DDX21: variants seen among roughly 807,000 people sequenced by gnomAD.
The protein encoded by DDX21 is DExD-box helicase 21, also known as nucleolar RNA helicase 2.
A neutral mutation model predicts 90.0 loss-of-function variants in DDX21; 18 were observed. The observed-to-expected ratio is 0.20, with a 90% CI of 0.14 to 0.30. DDX21 has a LOEUF of 0.30. Among genes scored for constraint, DDX21 ranks in the 10% least tolerant of loss-of-function variants. The pLI is 1.00. For synonymous variants in DDX21, 294 were observed against 318.0 expected (o/e 0.92, Z 0.80); for missense variants, 673 against 944.5 (o/e 0.71, Z 3.77).
chr10:68,971,378 C>G (rs1021151719), intron 8 of DDX21, among the ~76,000 whole-genome samples: 1 of 152,026 alleles, frequency 6.6e-6, no homozygotes, highest in Admixed American at 6.6e-5. Context: ...AGCTATTCTC[C>G]TACCCACCCC....
chr10:68,983,003 T>G lies in DDX21; in HGVS notation c.*191T>G. 1.4e-6 allele frequency: 1 copy of G among 703,108 alleles called. No individual in the cohort carries two copies. The highest frequency in any genetic ancestry group is 2.2e-6 in the Non-Finnish European group (1 of 457,756). 43.6% of individuals were successfully genotyped at this position (703,108 alleles called of 1,614,324 possible). A position where few individuals can be genotyped will look rare whatever the true frequency, so the allele number is the denominator to read the frequency against. ...TGATCATTATCATTTATAACTTTATTGTTACTTCTTCATCAGTTTTTCCTT... is the reference window on the plus strand; with the variant it reads ...TGATCATTATCATTTATAACTTTATGGTTACTTCTTCATCAGTTTTTCCTT... On this transcript the variant is annotated 3_prime_UTR_variant, in exon 15 of 15. Transcript: ENST00000354185.
intron 5 of DDX21, among the ~76,000 whole-genome samples, chr10:68,966,459 G>A (rs1189459438): frequency 4.0e-5 from 6 of 150,938 alleles, no homozygotes. Flanking sequence ...TATTTATTTG[G>A]TGAGACAGAG....
Position 68,983,137 on chromosome 10 carries a change from A to G in DDX21, c.*325A>G, listed in dbSNP as rs1843219610. The G allele has an allele frequency of 9.5e-6, 3 of 314,536 alleles. No individual in the cohort carries two copies. Among genetic ancestry groups the G allele is most frequent in the South Asian group, 7.3e-5 (2 of 27,386 alleles). 19.5% of individuals were successfully genotyped at this position (314,536 alleles called of 1,614,324 possible). On this transcript the variant is annotated 3_prime_UTR_variant, in exon 15 of 15. Coordinates refer to ENST00000354185, the MANE Select transcript of DDX21 (RefSeq NM_004728.4). ...ATACTTTGTGAGTTCACCTGTCTTT[A>G]TACTCAAAAGTGTCCCTTAATAGTG... is the stretch of plus-strand genomic sequence containing the variant.
At chr10:68,976,892 G>T (rs1462640981) in intron 11 of DDX21, among the ~76,000 whole-genome samples, 1 of 152,006 alleles carries the variant, frequency 6.6e-6, no homozygotes, top group Non-Finnish European at 1.5e-5. Flanking sequence ...GTCCCATAAA[G>T]GTCCTTATCA....
At position 68,983,025 on chromosome 10, in the gene DDX21, C is replaced by A; in HGVS notation, c.*213C>A. 1 of 656,528 alleles carries A rather than the reference C, an allele frequency of 1.5e-6. No individual in the cohort carries two copies. 40.7% of individuals were successfully genotyped at this position (656,528 alleles called of 1,614,324 possible). The stretch of plus-strand genomic sequence containing the variant: ...TATTGTTACTTCTTCATCAGTTTTT[C>A]CTTTTGAAAGGTGTATGAATTCATT... On this transcript the variant is annotated 3_prime_UTR_variant, in exon 15 of 15. Coordinates refer to ENST00000354185, the MANE Select transcript of DDX21 (RefSeq NM_004728.4).
intron 1 of DDX21, among the ~76,000 whole-genome samples, chr10:68,957,950 G>T (rs1842821248): frequency 6.6e-6 from 1 of 152,130 alleles, no homozygotes; most frequent in African/African-American, 2.4e-5. Context: ...GGGTCAGAAA[G>T]TTCAAATAGG....
chr10:68,967,072 A>C lies in DDX21; in HGVS notation c.959A>C (p.Lys320Thr), dbSNP rs772408813. ...CTGGTTGGAACACCAGGTCGTATCA[A>C]AGACCACATACAGAATGGCAAACTA... ...DILVGTPGRI[K>T]DHIQNGKLDL... The change falls in exon 6 of 15, where the codon AAA becomes ACA. Residue 320 changes from lysine (K) to threonine (T), a missense_variant. This residue lies in a region of DDX21 where 218 missense variants were observed against 347.3 expected (regional missense o/e 0.63). Transcript: ENST00000354185. 3.1e-6 allele frequency: 5 copies of C among 1,612,204 alleles called. No homozygotes were observed. The highest frequency in any genetic ancestry group is 4.2e-6 in the Non-Finnish European group (5 of 1,179,386).
intron 13 of DDX21, 121 bp from the exon 14 acceptor site, chr10:68,981,416 C>T: frequency 1.2e-6 from 1 of 839,390 alleles, no homozygotes; most frequent in Non-Finnish European, 1.9e-6. Context: ...TAAAATTATA[C>T]CTGGTGGTTT....
chr10:68,964,330 A>G (rs959580586), intron 4 of DDX21, among the ~76,000 whole-genome samples: 4 of 152,152 alleles, frequency 2.6e-5, no homozygotes, highest in South Asian at 4.1e-4. Flanking sequence ...CTGGCCTTCC[A>G]GTGTCCATGC....
intron 13 of DDX21, among the ~76,000 whole-genome samples, chr10:68,980,205 A>G (rs1843165717): frequency 6.6e-6 from 1 of 151,970 alleles, no homozygotes; most frequent in African/African-American, 2.4e-5. Flanking sequence ...GCGCCATTAC[A>G]CTCCAGCTTG....
rs1843214712 is a variant in DDX21 at position 68,982,872 on chromosome 10, C to T, written c.*60C>T. ...TGATGTTTGGCAATATAGAACTGAA[C>T]ATTATTTTTCATGCAAAGTTAAAAG... On this transcript the variant is annotated 3_prime_UTR_variant, in exon 15 of 15. Transcript: ENST00000354185. 2 of 1,574,126 alleles carry T rather than the reference C, an allele frequency of 1.3e-6. No homozygotes were observed. The highest frequency in any genetic ancestry group is 2.3e-5 in the South Asian group (2 of 86,548).
intron 5 of DDX21, among the ~76,000 whole-genome samples, chr10:68,966,354 C>A (rs961793894): frequency 6.6e-6 from 1 of 151,706 alleles, no homozygotes; most frequent in Non-Finnish European, 1.5e-5. Context: ...GGATTACAGG[C>A]GTGAGCCACC....
At chr10:68,969,148 TA>T in intron 7 of DDX21, 27 bp downstream of exon 7, 2 of 1,580,632 alleles carry the variant, frequency 1.3e-6, no homozygotes, top group Non-Finnish European at 1.7e-6. Flanking sequence ...GTTGCCAGAA[TA>T]TAAAATTGTA....
intron 2 of DDX21, among the ~76,000 whole-genome samples, chr10:68,961,697 A>G (rs111452485): frequency 2.0e-5 from 3 of 152,184 alleles, no homozygotes; most frequent in Non-Finnish European, 4.4e-5. Flanking sequence ...TTCATTTTCT[A>G]TGGATGTGTG....
chr10:68,981,592 C>T lies in DDX21; in HGVS notation c.2082+11C>T, dbSNP rs1334242902. ...GTAACAGAAATACAGGTATTCTTTT[C>T]CCTTAGATTTTAAAGTTAACATACC... On this transcript the variant is annotated intron_variant, in intron 14 of 14. Coordinates refer to ENST00000354185, the MANE Select transcript of DDX21 (RefSeq NM_004728.4). 1 of 1,602,930 alleles carries T rather than the reference C, an allele frequency of 6.2e-7. No individual in the cohort carries two copies. Among genetic ancestry groups the T allele is most frequent in the Non-Finnish European group, 8.5e-7 (1 of 1,172,274 alleles).
At chr10:68,979,301 C>T (rs1199615856) in intron 13 of DDX21, among the ~76,000 whole-genome samples, 1 of 152,234 alleles carries the variant, frequency 6.6e-6, no homozygotes, top group Middle Eastern at 3.4e-3. Flanking sequence ...TATTCAGAAT[C>T]TTGAATTCAA....
At chr10:68,964,114 A>AG in intron 4 of DDX21, 1 of 431,148 alleles carries the variant, frequency 2.3e-6, no homozygotes, top group East Asian at 7.1e-5. Context: ...AAAAAAAAAA[A>AG]AAAAAAGAAA....
At chr10:68,977,013 C>T (rs1451479943) in intron 11 of DDX21, among the ~76,000 whole-genome samples, 1 of 151,626 alleles carries the variant, frequency 6.6e-6, no homozygotes, top group Non-Finnish European at 1.5e-5. Context: ...TAGCTCACTG[C>T]AATCCTCCCA....
intron 12 of DDX21, 62 bp from the exon 13 acceptor site, chr10:68,978,780 G>A (rs1342275681): frequency 6.4e-7 from 1 of 1,552,834 alleles, no homozygotes; most frequent in Non-Finnish European, 8.7e-7. Context: ...ACAAAAGCAG[G>A]TATTTATCAA....
Sources: allele counts gnomAD v4.1 joint callset (sites outside exome capture counted in the v4.1 genomes callset), GRCh38; gene constraint gnomAD v4.1.1; regional missense constraint gnomAD v4.1.1; transcripts MANE v1.5; gene names NCBI Gene and HGNC (gene_info 2026-07-23, HGNC 2026-07-21).